FAM151B: variants seen among roughly 807,000 people sequenced by gnomAD.
The protein encoded by FAM151B is protein FAM151B.
FAM151B carries 24 observed loss-of-function variants against 31.2 expected under a neutral mutation model. The ratio of observed to expected loss-of-function variants is 0.77; its 90% CI spans 0.56 to 1.08. FAM151B has a LOEUF of 1.08. FAM151B is among the 50% of genes least tolerant of loss of function. The probability of loss-of-function intolerance (pLI) is 0.00; values close to 1 mark genes in which losing one functional copy is unlikely to be tolerated. For synonymous variants in FAM151B, 105 were observed against 111.4 expected (o/e 0.94, Z 0.36); for missense variants, 293 against 328.6 (o/e 0.89, Z 0.84).
intron 4 of FAM151B, 52 bp downstream of exon 4, chr5:80,519,962 A>T (rs1744630689): frequency 6.6e-7 from 1 of 1,524,576 alleles, no homozygotes; most frequent in Non-Finnish European, 9.0e-7. Context: ...TCCTCCAGGT[A>T]TAAAAATAAC....
chr5:80,501,560 G>A (rs913885384), intron 1 of FAM151B, among the ~76,000 whole-genome samples: 2 of 151,020 alleles, frequency 1.3e-5, no homozygotes, highest in Non-Finnish European at 2.9e-5. Flanking sequence ...TAAGGGATTC[G>A]TGTTAAATGA....
chr5:80,488,305 A>C (rs1743190109), intron 1 of FAM151B, among the ~76,000 whole-genome samples, 157 bp downstream of exon 1: 1 of 152,174 alleles, frequency 6.6e-6, no homozygotes, highest in Non-Finnish European at 1.5e-5. Context: ...CCCGCTCTGC[A>C]CTCGGGGCGC....
At chr5:80,537,318 C>T (rs754616444) in intron 5 of FAM151B, among the ~76,000 whole-genome samples, 1 of 152,174 alleles carries the variant, frequency 6.6e-6, no homozygotes, top group Non-Finnish European at 1.5e-5. Context: ...TAGGTGCTTA[C>T]TACACTTTTA....
chr5:80,524,706 A>G (rs249215), intron 5 of FAM151B, among the ~76,000 whole-genome samples: 14,578 of 152,212 alleles, frequency 0.096, 972 homozygotes, highest in African/African-American at 0.18. Context: ...TTATGGTAAA[A>G]GCAATGTAGG....
chr5:80,500,405 G>A (rs537451608), intron 1 of FAM151B: 15 of 1,238,996 alleles, frequency 1.2e-5, no homozygotes, highest in Non-Finnish European at 1.6e-5. Flanking sequence ...AGGGAATTTC[G>A]CAGAGCTGAA....
At chr5:80,525,327 A>G (rs1207220991) in intron 5 of FAM151B, among the ~76,000 whole-genome samples, 1 of 152,168 alleles carries the variant, frequency 6.6e-6, no homozygotes, top group Non-Finnish European at 1.5e-5. Flanking sequence ...CACTATCACA[A>G]TATTTCTGTG....
At chr5:80,514,019 G>A (rs1034750134) in intron 3 of FAM151B, among the ~76,000 whole-genome samples, 9 of 152,056 alleles carry the variant, frequency 5.9e-5, no homozygotes, top group African/African-American at 1.9e-4. Context: ...CAACAGAAAG[G>A]TAAATTAAAA....
At chr5:80,532,050 T>C (rs180740923) in intron 5 of FAM151B, among the ~76,000 whole-genome samples, 1 of 152,052 alleles carries the variant, frequency 6.6e-6, no homozygotes, top group Admixed American at 6.6e-5. Flanking sequence ...TGGAATACTA[T>C]GCACCCATAA....
chr5:80,538,441 T>C (rs1561383422), intron 5 of FAM151B, among the ~76,000 whole-genome samples: 196 of 52,426 alleles, frequency 3.7e-3, no homozygotes, highest in African/African-American at 0.018. Context: ...TCTTTCTTTC[T>C]TTCTTTCTCT....
chr5:80,513,194 T>C (rs1744261000), intron 2 of FAM151B, among the ~76,000 whole-genome samples: 1 of 152,352 alleles, frequency 6.6e-6, no homozygotes, highest in East Asian at 1.9e-4. Context: ...GAATTTTTAA[T>C]GTAGATTTTC....
intron 5 of FAM151B, among the ~76,000 whole-genome samples, chr5:80,529,415 C>CA (rs1246402119): frequency 6.6e-6 from 1 of 151,950 alleles, no homozygotes; most frequent in Non-Finnish European, 1.5e-5. Flanking sequence ...GATAGAGACA[C>CA]AAAAAACCCT....
rs1419062506 is a variant in FAM151B at position 80,533,440 on chromosome 5, G to T, written c.672-8233G>T. The stretch of plus-strand genomic sequence containing the variant: ...CAAGAGCAAACCAAACCCAAAATTA[G>T]TAGAAGAAAATAAATAATAAAGATC... On this transcript the variant is annotated intron_variant, in intron 5 of 5. Coordinates refer to ENST00000282226, the MANE Select transcript of FAM151B (RefSeq NM_205548.3). Among the ~76,000 whole-genome samples the T allele has an allele frequency of 2.0e-5, 3 of 150,738 alleles. 1 individual carries two copies. In the South Asian group the frequency reaches 6.3e-4, roughly 32 times the overall value.
In FAM151B at chr5:80,519,875, G is replaced by A. The variant is rs747972341; in HGVS notation, c.500G>A (p.Trp167Ter). 5.0e-6 allele frequency: 8 copies of A among 1,613,916 alleles called. No homozygotes were observed. The East Asian group carries it at 1.3e-4, about 27-fold the overall frequency. Residue 167 changes from tryptophan (W) to a stop codon, truncating the protein, a stop_gained, in exon 4 of 6, where the codon TGG (tryptophan) becomes TAG (stop). Transcript: ENST00000282226. LOFTEE classifies it high-confidence loss of function. ...FFPDVTFSLG[W>*]TTGWHPEKVN... ...CCAGACGTGACGTTTTCCCTGGGTT[G>A]GACAACAGGATGGCATCCTGAGAAA...
Position 80,531,062 on chromosome 5 carries a change from G to A in FAM151B, c.671+8924G>A, listed in dbSNP as rs1167257725. 2.0e-5 allele frequency among the ~76,000 whole-genome samples: 3 copies of A among 152,100 alleles called. No individual in the cohort carries two copies. The East Asian group carries it at 5.8e-4, about 29-fold the overall frequency. On this transcript the variant is annotated intron_variant, in intron 5 of 5. Transcript: ENST00000282226. ...AGATATAGACCAATGGAACAGAATA[G>A]AGCCCTTGGAAATGAGACCGCACGT... is the stretch of plus-strand genomic sequence containing the variant.
intron 2 of FAM151B, among the ~76,000 whole-genome samples, chr5:80,502,312 A>T (rs1743777899): frequency 6.6e-6 from 1 of 151,658 alleles, no homozygotes; most frequent in Admixed American, 6.6e-5. Flanking sequence ...CTGATTCGAA[A>T]CTCTCATATA....
chr5:80,530,689 G>A (rs1370268517), intron 5 of FAM151B, among the ~76,000 whole-genome samples: 1 of 152,096 alleles, frequency 6.6e-6, no homozygotes, highest in Non-Finnish European at 1.5e-5. Context: ...AGGATGTGAA[G>A]GACCTCTTCA....
chr5:80,513,100 A>T (rs994342049), intron 2 of FAM151B, among the ~76,000 whole-genome samples: 2 of 152,212 alleles, frequency 1.3e-5, no homozygotes, highest in African/African-American at 4.8e-5. Context: ...TGCTGAACAT[A>T]CTTACACCAT....
At chr5:80,534,845 A>G (rs1458030054) in intron 5 of FAM151B, among the ~76,000 whole-genome samples, 2 of 152,228 alleles carry the variant, frequency 1.3e-5, no homozygotes, top group Non-Finnish European at 2.9e-5. Context: ...ATATGATCTT[A>G]TATTTGGAAA....
In FAM151B at chr5:80,519,930, A is replaced by G; in HGVS notation, c.535+20A>G. ...ATGAAGGTAATAATTCTAATAATGT[A>G]TTTCTTGGTCAAATTAAAATATCCT... is the stretch of plus-strand genomic sequence containing the variant. On this transcript the variant is annotated intron_variant, in intron 4 of 5. Coordinates refer to ENST00000282226, the MANE Select transcript of FAM151B (RefSeq NM_205548.3). The G allele has an allele frequency of 6.3e-7, 1 of 1,599,072 alleles. No homozygotes were observed. The highest frequency in any genetic ancestry group is 8.6e-7 in the Non-Finnish European group (1 of 1,167,746).
Sources: allele counts gnomAD v4.1 joint callset (sites outside exome capture counted in the v4.1 genomes callset), GRCh38; gene constraint gnomAD v4.1.1; transcripts MANE v1.5; gene names NCBI Gene and HGNC (gene_info 2026-07-23, HGNC 2026-07-21).